HACE1: variants seen among roughly 807,000 people sequenced by gnomAD.
The protein encoded by HACE1 is HECT domain and ankyrin repeat containing E3 ubiquitin protein ligase 1.
In HACE1, 73 loss-of-function variants were observed where a neutral mutation model predicts 118.4. That is an observed-to-expected ratio of 0.62 (90% confidence interval 0.51 to 0.75). The LOEUF (loss-of-function observed/expected upper bound fraction) is 0.75. Ranked by LOEUF, HACE1 falls within the 30% of genes least tolerant of loss-of-function variation. The pLI is 0.00. For synonymous variants in HACE1, 368 were observed against 374.8 expected (o/e 0.98, Z 0.21); for missense variants, 749 against 1,102.2 (o/e 0.68, Z 4.54).
chr6:104,796,023 A>G (rs1769583220), intron 9 of HACE1, among the ~76,000 whole-genome samples: 1 of 152,244 alleles, frequency 6.6e-6, no homozygotes, highest in Non-Finnish European at 1.5e-5. Flanking sequence ...CACATAGCTG[A>G]GTAAACTAGT....
intron 19 of HACE1, among the ~76,000 whole-genome samples, chr6:104,765,804 T>G (rs1779941905): frequency 6.6e-6 from 1 of 152,242 alleles, no homozygotes; most frequent in African/African-American, 2.4e-5. Flanking sequence ...TTTAGCTTTA[T>G]GCAGTGTTAT....
At chr6:104,766,453 C>T (rs1780026265) in intron 19 of HACE1, among the ~76,000 whole-genome samples, 1 of 152,104 alleles carries the variant, frequency 6.6e-6, no homozygotes, top group African/African-American at 2.4e-5. Flanking sequence ...GATGCTCAAC[C>T]TGTATACTTT....
intron 6 of HACE1, among the ~76,000 whole-genome samples, chr6:104,825,278 C>T (rs1773204772): frequency 6.6e-6 from 1 of 152,040 alleles, no homozygotes; most frequent in African/African-American, 2.4e-5. Context: ...AACAAAAGGA[C>T]CAGCGACCTT....
chr6:104,738,231 A>G (rs1251941150), intron 22 of HACE1, among the ~76,000 whole-genome samples: 1 of 152,226 alleles, frequency 6.6e-6, no homozygotes, highest in Non-Finnish European at 1.5e-5. Context: ...AACAGAACAG[A>G]AAAACCGGAA....
At chr6:104,847,755 TA>T (rs369881070) in intron 4 of HACE1, among the ~76,000 whole-genome samples, 3,545 of 151,414 alleles carry the variant, frequency 0.023, 156 homozygotes, top group African/African-American at 0.082. Context: ...CAAGAGTAAT[TA>T]AAAAAAAAGA....
chr6:104,776,061 T>G (rs564610068), intron 17 of HACE1, among the ~76,000 whole-genome samples: 1 of 152,330 alleles, frequency 6.6e-6, no homozygotes, highest in Non-Finnish European at 1.5e-5. Context: ...TAATTCCATT[T>G]AGTCTACAAC....
chr6:104,855,360 G>A (rs56004635), intron 1 of HACE1, among the ~76,000 whole-genome samples: 411 of 152,036 alleles, frequency 2.7e-3, no homozygotes, highest in African/African-American at 9.6e-3. Flanking sequence ...GGAGAATGGC[G>A]TGAACCCAGG....
intron 22 of HACE1, among the ~76,000 whole-genome samples, chr6:104,739,612 G>A (rs1405776839): frequency 1.3e-5 from 2 of 151,974 alleles, no homozygotes; most frequent in Non-Finnish European, 2.9e-5. Flanking sequence ...AACAAGAAGA[G>A]CTAACTATCC....
At position 104,729,094 on chromosome 6, in the gene HACE1, TATC is replaced by T. The variant is rs1300157461; in HGVS notation, c.*565_*567del. ...TATATGTCATTTCATCAACTGTTAG[TATC>T]ATCAGTCTAAATTTTACAATATATA... On this transcript the variant is annotated 3_prime_UTR_variant, in exon 24 of 24. Coordinates refer to ENST00000262903, the MANE Select transcript of HACE1 (RefSeq NM_020771.4). 6.5e-6 allele frequency: 1 copy of T among 152,722 alleles called. No individual in the cohort carries two copies. Among genetic ancestry groups the T allele is most frequent in the Non-Finnish European group, 1.5e-5 (1 of 68,136 alleles). 9.5% of individuals were successfully genotyped at this position (152,722 alleles called of 1,614,324 possible).
At chr6:104,851,057 C>T in intron 2 of HACE1, 61 bp from the exon 3 acceptor site, 1 of 916,042 alleles carries the variant, frequency 1.1e-6, no homozygotes, top group Non-Finnish European at 1.8e-6. Context: ...CATAATAAAT[C>T]AAGTTAACAA....
At chr6:104,791,681 T>A (rs1217203242) in intron 10 of HACE1, 27 bp from the exon 11 acceptor site, 2 of 1,469,408 alleles carry the variant, frequency 1.4e-6, no homozygotes, top group African/African-American at 2.8e-5. Context: ...AAATATGAGA[T>A]TAGAGTAAAA....
Position 104,804,323 on chromosome 6 carries a change from C to G in HACE1, c.617+6988G>C, listed in dbSNP as rs1019728620. ...TTTACAGATTCAATGCCATCCCCAT[C>G]AAGCAACCAATGACTTTCTTCACAG... is the stretch of plus-strand genomic sequence containing the variant. On this transcript the variant is annotated intron_variant, in intron 7 of 23. Coordinates refer to ENST00000262903, the MANE Select transcript of HACE1 (RefSeq NM_020771.4). 1.1e-4 allele frequency among the ~76,000 whole-genome samples: 17 copies of G among 152,320 alleles called. 1 individual carries two copies. Among genetic ancestry groups the G allele is most frequent in the African/African-American group, 4.1e-4 (17 of 41,564 alleles).
chr6:104,755,850 C>G (rs1410981897), intron 19 of HACE1, among the ~76,000 whole-genome samples: 1 of 152,166 alleles, frequency 6.6e-6, no homozygotes, highest in East Asian at 1.9e-4. Context: ...AGTTAACAAT[C>G]TGACATCTCA....
rs570026282 is a variant in HACE1, at chr6:104,800,324, C to T, written c.618-3299G>A. ...AAAGGCAGCAGATAACTTCTGCAGA[C>T]TGAAATGTCACTGTCTGACAGCTCA... On this transcript the variant is annotated intron_variant, in intron 7 of 23. Coordinates refer to ENST00000262903, the MANE Select transcript of HACE1 (RefSeq NM_020771.4). Among the ~76,000 whole-genome samples the T allele has an allele frequency of 3.3e-5, 5 of 152,310 alleles. No individual in the cohort carries two copies. The East Asian group carries it at 9.7e-4, about 29-fold the overall frequency.
intron 19 of HACE1, among the ~76,000 whole-genome samples, chr6:104,757,358 A>C (rs1345840231): frequency 1.3e-5 from 2 of 152,182 alleles, no homozygotes; most frequent in Non-Finnish European, 2.9e-5. Context: ...ACAGGCAGCA[A>C]TATTTGCTGT....
At chr6:104,825,715 T>A (rs140630940) in intron 6 of HACE1, among the ~76,000 whole-genome samples, 2 of 152,314 alleles carry the variant, frequency 1.3e-5, no homozygotes, top group African/African-American at 4.8e-5. Flanking sequence ...CCCAGAAGAT[T>A]CTGTATCCAG....
chr6:104,790,483 T>G (rs1782909039), intron 11 of HACE1, among the ~76,000 whole-genome samples: 1 of 152,228 alleles, frequency 6.6e-6, no homozygotes, highest in African/African-American at 2.4e-5. Context: ...CTGGGTGCAG[T>G]GGCTCACGCC....
Position 104,852,391 on chromosome 6 carries a change from G to A in HACE1, c.77-20C>T, listed in dbSNP as rs760494910. ...CATTATCTGAGTAAAAAAAAACAAA[G>A]AGTTCATTTATCCCCTACTTTGTGC... On this transcript the variant is annotated intron_variant, in intron 1 of 23. Coordinates refer to ENST00000262903, the MANE Select transcript of HACE1 (RefSeq NM_020771.4). The A allele has an allele frequency of 1.8e-5, 19 of 1,067,008 alleles. No individual in the cohort carries two copies. Among genetic ancestry groups the A allele is most frequent in the Non-Finnish European group, 2.6e-5 (18 of 702,600 alleles). 66.1% of individuals were successfully genotyped at this position (1,067,008 alleles called of 1,614,324 possible).
chr6:104,780,580 A>AT (rs903079721), intron 14 of HACE1: 74 of 189,944 alleles, frequency 3.9e-4, no homozygotes, highest in Middle Eastern at 9.6e-4. Flanking sequence ...AGTACAAAGT[A>AT]TTTTTTTTTC....
Sources: allele counts gnomAD v4.1 joint callset (sites outside exome capture counted in the v4.1 genomes callset), GRCh38; gene constraint gnomAD v4.1.1; transcripts MANE v1.5; gene names NCBI Gene and HGNC (gene_info 2026-07-23, HGNC 2026-07-21).